Variants in MEGF11 observed in about 807,000 individuals in gnomAD.
MEGF11 encodes multiple EGF like domains 11.
A neutral mutation model predicts 146.6 loss-of-function variants in MEGF11; 126 were observed. The ratio of observed to expected loss-of-function variants is 0.86; its 90% CI spans 0.74 to 1.00. The LOEUF is 1.00. Among genes scored for constraint, MEGF11 ranks in the 50% least tolerant of loss-of-function variants. MEGF11 has a pLI of 0.00. For synonymous variants in MEGF11, 532 were observed against 583.4 expected, an observed-to-expected ratio of 0.91 and a Z score of 1.27; for missense variants, 1,509 against 1,521.2, an observed-to-expected ratio of 0.99 and a Z score of 0.13.
At chr15:66,062,061 G>T (rs953036449) in intron 5 of MEGF11, among the ~76,000 whole-genome samples, 11 of 152,252 alleles carry the variant, frequency 7.2e-5, no homozygotes, top group African/African-American at 2.7e-4. Context: ...GAGCTGGCTT[G>T]CAGCCTCTTT....
rs998878342 is a variant in MEGF11 at position 65,913,757 on chromosome 15, C to T, written c.2690G>A (p.Ser897Asn). The T allele has an allele frequency of 1.9e-6, 3 of 1,613,080 alleles. No individual in the cohort carries two copies. The highest frequency in any genetic ancestry group is 2.2e-5 in the East Asian group (1 of 44,848). The change falls in exon 20 of 26, where the codon AGC (serine) becomes AAC (asparagine). Residue 897 changes from serine to asparagine, a missense_variant. Coordinates refer to ENST00000395614, the MANE Select transcript of MEGF11 (RefSeq NM_001385028.1). The stretch of plus-strand genomic sequence containing the variant: ...CTTACCTGAGAGGGAGTAGTCGGTG[C>T]TGGTCATCCTCATGGCAGGTGTGTA... ...VSYTPAMRMT[S>N]TDYSLSDLSQ...
At chr15:65,964,741 C>T (rs1055470543) in intron 9 of MEGF11, among the ~76,000 whole-genome samples, 167 bp downstream of exon 9, 1 of 152,182 alleles carries the variant, frequency 6.6e-6, no homozygotes, top group Non-Finnish European at 1.5e-5. Flanking sequence ...TTGGCTTCCC[C>T]TTCTTTTCAT....
At chr15:65,978,904 G>C (rs764942433) in intron 7 of MEGF11, among the ~76,000 whole-genome samples, 11 of 152,150 alleles carry the variant, frequency 7.2e-5, no homozygotes, top group Non-Finnish European at 1.6e-4. Context: ...CTGAGCCTCA[G>C]CTTCTTCATC....
At chr15:66,188,670 A>C (rs1374798914) in intron 1 of MEGF11, among the ~76,000 whole-genome samples, 1 of 152,178 alleles carries the variant, frequency 6.6e-6, no homozygotes. Context: ...ACCTGAACCC[A>C]GTATGCAGAC....
intron 23 of MEGF11, 73 bp downstream of exon 23, chr15:65,908,961 C>T: frequency 1.1e-6 from 1 of 933,848 alleles, no homozygotes; most frequent in Non-Finnish European, 1.7e-6. Context: ...GGTCAAGGTG[C>T]AGGGATGGGG....
At chr15:66,199,360 G>A (rs1324966947) in intron 1 of MEGF11, among the ~76,000 whole-genome samples, 1 of 152,066 alleles carries the variant, frequency 6.6e-6, no homozygotes, top group African/African-American at 2.4e-5. Context: ...CCCAGTCCTA[G>A]TGCCCTGGGT....
rs2085155982 is a variant in MEGF11 at position 66,066,967 on chromosome 15, CA to C, written c.394+27434del. On this transcript the variant is annotated intron_variant, in intron 5 of 25. Coordinates refer to ENST00000395614, the MANE Select transcript of MEGF11 (RefSeq NM_001385028.1). The stretch of plus-strand genomic sequence containing the variant: ...TCCGTGTGAGGGTGGAGCGTGGTCA[CA>C]GGGGGAGCTAATCTGCCTGCGCCCA... Among the ~76,000 whole-genome samples the C allele has an allele frequency of 2.0e-5, 3 of 152,206 alleles. No individual in the cohort carries two copies. In the South Asian group the frequency reaches 6.2e-4, roughly 32 times the overall value.
At chr15:65,909,346 TTCCC>T (rs1450838103) in intron 22 of MEGF11, among the ~76,000 whole-genome samples, 4 of 151,926 alleles carry the variant, frequency 2.6e-5, no homozygotes, top group African/African-American at 7.2e-5. Flanking sequence ...TCCCCTCTCC[TTCCC>T]TCCCTCCCTC....
intron 1 of MEGF11, among the ~76,000 whole-genome samples, chr15:66,232,275 C>T (rs765776464): frequency 6.6e-6 from 1 of 152,232 alleles, no homozygotes; most frequent in African/African-American, 2.4e-5. Flanking sequence ...ACTTCCCAGA[C>T]CCATAGCTTA....
rs568892606 is a variant in MEGF11 at position 66,220,156 on chromosome 15, A to AT, written c.-9+33448dup. Among the ~76,000 whole-genome samples, 54 of 151,908 alleles carry AT rather than the reference A, an allele frequency of 3.6e-4. 1 individual carries two copies. The East Asian group carries it at 7.2e-3, about 20-fold the overall frequency. ...AAGGCCTGGGGAGAAGCAAGGAGGG[A>AT]TTTTTTCCCTAGAACCTCCAGTACC... On this transcript the variant is annotated intron_variant, in intron 1 of 25. Transcript: ENST00000395614.
intron 4 of MEGF11, among the ~76,000 whole-genome samples, chr15:66,103,445 A>C (rs1204331378): frequency 6.6e-6 from 1 of 152,186 alleles, no homozygotes; most frequent in Admixed American, 6.5e-5. Flanking sequence ...GAGAATGTTA[A>C]TAGTACCTAC....
chr15:66,168,231 A>T (rs28459112), intron 1 of MEGF11, among the ~76,000 whole-genome samples: 1,933 of 151,892 alleles, frequency 0.013, 36 homozygotes, highest in African/African-American at 0.044. Flanking sequence ...GCCTTTGCAC[A>T]TGCACTTCCC....
At chr15:66,127,976 C>G (rs748507098) in intron 2 of MEGF11, among the ~76,000 whole-genome samples, 1 of 152,238 alleles carries the variant, frequency 6.6e-6, no homozygotes, top group Non-Finnish European at 1.5e-5. Context: ...TCCGCATCCC[C>G]CCACTTACTG....
intron 15 of MEGF11, among the ~76,000 whole-genome samples, chr15:65,919,921 TAAACA>T (rs61245737): frequency 2.6e-5 from 4 of 151,972 alleles, no homozygotes; most frequent in Non-Finnish European, 4.4e-5. Context: ...ACTTTTAATT[TAAACA>T]AAACAAAACA....
At chr15:66,033,622 T>C (rs1043833390) in intron 5 of MEGF11, among the ~76,000 whole-genome samples, 1 of 152,188 alleles carries the variant, frequency 6.6e-6, no homozygotes, top group Admixed American at 6.5e-5. Flanking sequence ...TACCCAGGCA[T>C]AGGCTGATCC....
At chr15:66,250,838 C>A (rs913960580) in intron 1 of MEGF11, among the ~76,000 whole-genome samples, 1 of 150,834 alleles carries the variant, frequency 6.6e-6, no homozygotes, top group African/African-American at 2.5e-5. Context: ...ACCCAGAAGG[C>A]GGAGGTTGCC....
At chr15:65,951,747 A>G (rs2080410259) in intron 10 of MEGF11, among the ~76,000 whole-genome samples, 1 of 152,164 alleles carries the variant, frequency 6.6e-6, no homozygotes. Flanking sequence ...GTACAATACA[A>G]GAAGATATTT....
intron 1 of MEGF11, among the ~76,000 whole-genome samples, chr15:66,228,665 G>A (rs1488742416): frequency 1.3e-5 from 2 of 152,172 alleles, no homozygotes; most frequent in Non-Finnish European, 2.9e-5. Context: ...AGAGGGGTTG[G>A]GACTCATCAC....
At chr15:65,992,450 T>TGTGTGTGG (rs776847440) in intron 5 of MEGF11, among the ~76,000 whole-genome samples, 2 of 126,628 alleles carry the variant, frequency 1.6e-5, no homozygotes, top group African/African-American at 6.1e-5. Context: ...TGTGTGTGTG[T>TGTGTGTGG]GGGGGGGGGG....
Sources: gnomAD v4.1 joint callset for allele counts (sites outside exome capture counted in the v4.1 genomes callset) on GRCh38, gnomAD v4.1.1 for gene constraint, MANE v1.5 for transcripts, NCBI Gene and HGNC (gene_info 2026-07-23, HGNC 2026-07-21) for gene names.